PVALEF: variants seen among roughly 807,000 people sequenced by gnomAD.
PVALEF encodes the protein parvalbumin like EF-hand containing.
PVALEF carries 2 observed loss-of-function variants against 1.2 expected under a neutral mutation model. The ratio of observed to expected loss-of-function variants is 1.68; its 90% CI spans 0.69 to 5.28. The LOEUF is 5.28. PVALEF is among the 30% of genes most tolerant of loss of function. PVALEF has a pLI of 0.06. For missense variants in PVALEF, 35 were observed against 17.7 expected, an observed-to-expected ratio of 1.97 and a Z score of -1.75; for synonymous variants, 16 against 6.5, an observed-to-expected ratio of 2.47 and a Z score of -2.24.
chr17:81,173,037 C>T (rs555094285), intron 2 of PVALEF, among the ~76,000 whole-genome samples: 4 of 152,298 alleles, frequency 2.6e-5, no homozygotes, highest in Admixed American at 6.5e-5. Flanking sequence ...CACAGTGAAG[C>T]GTCTCCTTCC....
At chr17:81,171,316 G>A (rs932260003) in intron 2 of PVALEF, among the ~76,000 whole-genome samples, 2 of 152,176 alleles carry the variant, frequency 1.3e-5, no homozygotes, top group African/African-American at 4.8e-5. Context: ...GAGCTTTGGA[G>A]AACACTGCAT....
rs2961502 is a variant in PVALEF, at chr17:81,176,177, C to T, written c.-339-2741C>T. Among the ~76,000 whole-genome samples, 7 of 152,236 alleles carry T rather than the reference C, an allele frequency of 4.6e-5. No homozygotes were observed. In the East Asian group the frequency reaches 1.3e-3, roughly 29 times the overall value. On this transcript the variant is annotated intron_variant, in intron 2 of 6. Coordinates refer to ENST00000637878, the MANE Select transcript of PVALEF (RefSeq NM_001354639.2). ...GAAGATATCAAATGCCTAATAAGCC[C>T]ATGAGAAGATGCCGACCATCACTAA...
At chr17:81,177,883 G>A (rs570351952) in intron 2 of PVALEF, among the ~76,000 whole-genome samples, 1 of 152,188 alleles carries the variant, frequency 6.6e-6, no homozygotes, top group East Asian at 1.9e-4. Flanking sequence ...GCCACTAATT[G>A]CTGCTGGGGC....
At chr17:81,166,043 G>A in intron 1 of PVALEF, 3 of 1,385,618 alleles carry the variant, frequency 2.2e-6, no homozygotes, top group Non-Finnish European at 2.8e-6. Flanking sequence ...CGCTCAGGAC[G>A]CCCGCGGCCC....
chr17:81,177,535 T>C (rs1266244500), intron 2 of PVALEF, among the ~76,000 whole-genome samples: 1 of 150,788 alleles, frequency 6.6e-6, no homozygotes, highest in African/African-American at 2.4e-5. Flanking sequence ...GATAGGGTGA[T>C]AGAGTAAGAC....
Position 81,179,078 on chromosome 17 carries a change from A to T in PVALEF, c.-179A>T. On this transcript the variant is annotated 5_prime_UTR_variant, in exon 3 of 7. Transcript: ENST00000637878. ...GATGTAAACAGGCTTGCAGGTATAA[A>T]AGCTGGAGCCCCTGGGCCTCTCCAC... is the stretch of plus-strand genomic sequence containing the variant. 1 of 454,066 alleles carries T rather than the reference A, an allele frequency of 2.2e-6. No individual in the cohort carries two copies. The highest frequency in any genetic ancestry group is 3.3e-4 in the Middle Eastern group (1 of 3,036). 28.1% of individuals were successfully genotyped at this position (454,066 alleles called of 1,614,324 possible).
intron 2 of PVALEF, among the ~76,000 whole-genome samples, chr17:81,174,881 G>A (rs183152968): frequency 1.7e-4 from 25 of 150,160 alleles, no homozygotes; most frequent in East Asian, 9.8e-4. Context: ...CCTGGTAGGC[G>A]GAGGTTGCAG....
chr17:81,174,695 A>C (rs1057254141), intron 2 of PVALEF, among the ~76,000 whole-genome samples: 1 of 152,164 alleles, frequency 6.6e-6, no homozygotes. Flanking sequence ...CACGCCTGTA[A>C]TCCCAGCACT....
intron 2 of PVALEF, among the ~76,000 whole-genome samples, chr17:81,174,991 G>A (rs533617148): frequency 6.6e-6 from 1 of 151,110 alleles, no homozygotes; most frequent in Admixed American, 6.6e-5. Flanking sequence ...ATGATATGAT[G>A]TTATATGTAA....
At chr17:81,171,222 G>C (rs1473447226) in intron 2 of PVALEF, among the ~76,000 whole-genome samples, 1 of 152,164 alleles carries the variant, frequency 6.6e-6, no homozygotes, top group Non-Finnish European at 1.5e-5. Flanking sequence ...GAGGCCAGGA[G>C]GGGCGGCTCT....
chr17:81,181,926 G>A (rs560171427), intron 5 of PVALEF, 40 bp from the exon 6 acceptor site: 10 of 398,468 alleles, frequency 2.5e-5, no homozygotes, highest in South Asian at 2.6e-4. Context: ...GGCACTGGCC[G>A]GAAGCCCCTT....
chr17:81,179,817 G>T (rs2061547606), intron 3 of PVALEF, among the ~76,000 whole-genome samples: 1 of 152,192 alleles, frequency 6.6e-6, no homozygotes, highest in Non-Finnish European at 1.5e-5. Flanking sequence ...ATGCTGGGGC[G>T]GTGTGTGGTC....
intron 2 of PVALEF, among the ~76,000 whole-genome samples, chr17:81,177,456 G>A (rs1181317358): frequency 6.6e-6 from 1 of 151,796 alleles, no homozygotes. Context: ...TTTGAGACAG[G>A]AGAACTGCTT....
At chr17:81,179,442 G>C (rs2061546324) in intron 3 of PVALEF, among the ~76,000 whole-genome samples, 1 of 152,236 alleles carries the variant, frequency 6.6e-6, no homozygotes, top group Non-Finnish European at 1.5e-5. Flanking sequence ...GCCTCTGTGG[G>C]CACGGCTACA....
intron 2 of PVALEF, among the ~76,000 whole-genome samples, chr17:81,169,855 T>C (rs2061512737): frequency 6.6e-6 from 1 of 150,768 alleles, no homozygotes; most frequent in African/African-American, 2.4e-5. Flanking sequence ...TATGTGTGTG[T>C]GCATGTTCAG....
At chr17:81,179,319 G>A (rs1179848401) in intron 3 of PVALEF, among the ~76,000 whole-genome samples, 167 bp downstream of exon 3, 1 of 152,194 alleles carries the variant, frequency 6.6e-6, no homozygotes, top group Non-Finnish European at 1.5e-5. Context: ...AGAAGGAATG[G>A]CCCTCCCTGC....
intron 2 of PVALEF, among the ~76,000 whole-genome samples, chr17:81,171,357 C>T (rs1221365476): frequency 1.3e-5 from 2 of 152,222 alleles, no homozygotes; most frequent in Non-Finnish European, 2.9e-5. Context: ...CCAGAGATCC[C>T]ACGCCAGGCT....
At chr17:81,175,153 G>A (rs968913653) in intron 2 of PVALEF, among the ~76,000 whole-genome samples, 4 of 151,924 alleles carry the variant, frequency 2.6e-5, no homozygotes, top group Non-Finnish European at 5.9e-5. Context: ...GTCCAAAAAA[G>A]ACAAAAACAA....
rs2061496682 is a variant in PVALEF, at chr17:81,166,773, C to T, written c.-411C>T. On this transcript the variant is annotated 5_prime_UTR_variant, in exon 2 of 7. Coordinates refer to ENST00000637878, the MANE Select transcript of PVALEF (RefSeq NM_001354639.2). ...GTGGCTGGCTTTGCACACAGGCCTG[C>T]TCCTGTACCGTGCTGCGACAGCCAT... 1 of 456,612 alleles carries T rather than the reference C, an allele frequency of 2.2e-6. No homozygotes were observed. Among genetic ancestry groups the T allele is most frequent in the Middle Eastern group, 3.4e-4 (1 of 2,930 alleles). 28.3% of individuals were successfully genotyped at this position (456,612 alleles called of 1,614,324 possible). A position where few individuals can be genotyped will look rare whatever the true frequency, so the allele number is the denominator to read the frequency against.
Sources: gnomAD v4.1 joint callset for allele counts (sites outside exome capture counted in the v4.1 genomes callset) on GRCh38, gnomAD v4.1.1 for gene constraint, MANE v1.5 for transcripts, NCBI Gene and HGNC (gene_info 2026-07-23, HGNC 2026-07-21) for gene names.